The following RET variants were observed in gnomAD, a reference collection of about 807,000 sequenced individuals.
The protein encoded by RET is ret proto-oncogene, also known as proto-oncogene tyrosine-protein kinase receptor Ret.
In RET, 19 loss-of-function variants were observed where a neutral mutation model predicts 118.3. The ratio of observed to expected loss-of-function variants is 0.16; its 90% confidence interval spans 0.11 to 0.24. RET has a LOEUF of 0.24. Among genes scored for constraint, RET ranks in the 10% least tolerant of loss-of-function variants. RET has a pLI of 1.00. For synonymous variants in RET, 597 were observed against 644.1 expected (o/e 0.93, Z 1.11); for missense variants, 1,219 against 1,502.1 (o/e 0.81, Z 3.12).
intron 1 of RET, among the ~76,000 whole-genome samples, chr10:43,079,449 T>C (rs997739582): frequency 1.3e-5 from 2 of 152,194 alleles, no homozygotes; most frequent in African/African-American, 4.8e-5. Flanking sequence ...AAAAGTTACA[T>C]TCATTTAAAA....
chr10:43,094,296 C>G (rs1437240578), intron 1 of RET, among the ~76,000 whole-genome samples: 1 of 152,082 alleles, frequency 6.6e-6, no homozygotes, highest in African/African-American at 2.4e-5. Context: ...TAAGGAGATT[C>G]TGCTGGGCCA....
chr10:43,122,448 G>A (rs1334061613), intron 16 of RET, among the ~76,000 whole-genome samples: 1 of 152,212 alleles, frequency 6.6e-6, no homozygotes, highest in Admixed American at 6.5e-5. Context: ...ACCTGAAGAT[G>A]GCCTTGTGTG....
chr10:43,087,377 G>A (rs1022862300), intron 1 of RET, among the ~76,000 whole-genome samples: 3 of 152,218 alleles, frequency 2.0e-5, no homozygotes, highest in African/African-American at 7.2e-5. Flanking sequence ...TACTGAGGCC[G>A]CACTGCCATG....
intron 12 of RET, among the ~76,000 whole-genome samples, chr10:43,117,495 C>T (rs1013748247): frequency 6.6e-6 from 1 of 152,264 alleles, no homozygotes; most frequent in African/African-American, 2.4e-5. Context: ...TCCCAACTGT[C>T]CTCTCCCTTC....
chr10:43,108,198 A>G (rs1224062416), intron 5 of RET, among the ~76,000 whole-genome samples: 1 of 151,316 alleles, frequency 6.6e-6, no homozygotes, highest in East Asian at 1.9e-4. Flanking sequence ...AAAAAAAAAT[A>G]CAAAAAATTA....
rs1442745002 is a variant in RET, at chr10:43,124,989, GC to G, written c.3039+9del. On this transcript the variant is annotated splice_region_variant and intron_variant, in intron 18 of 19. Transcript: ENST00000355710. ...GATGATGGTTAAGAGGAGAGTGAGT[GC>G]CTGGGTCCAATTCCCACAAGCTGAA... The G allele has an allele frequency of 1.2e-6, 2 of 1,613,638 alleles. No homozygotes were observed. Among genetic ancestry groups the G allele is most frequent in the African/African-American group, 2.7e-5 (2 of 74,912 alleles).
At chr10:43,126,044 C>T (rs115137232) in intron 18 of RET, among the ~76,000 whole-genome samples, 406 of 152,290 alleles carry the variant, frequency 2.7e-3, no homozygotes, top group African/African-American at 9.1e-3. Context: ...GGGTCCTGTG[C>T]ACCCTGACAG....
chr10:43,119,185 C>T (rs1313314835), intron 13 of RET, among the ~76,000 whole-genome samples: 1 of 152,196 alleles, frequency 6.6e-6, no homozygotes, highest in Non-Finnish European at 1.5e-5. Context: ...CCTCCATCAG[C>T]ATCCCCAGCC....
intron 3 of RET, among the ~76,000 whole-genome samples, chr10:43,103,094 C>T (rs1037500179): frequency 9.9e-5 from 15 of 152,284 alleles, no homozygotes; most frequent in African/African-American, 1.7e-4. Flanking sequence ...GTGTGACCCT[C>T]GTGTGCCTGG....
chr10:43,123,878 C>G, intron 17 of RET, 70 bp downstream of exon 17: 1 of 1,606,140 alleles, frequency 6.2e-7, no homozygotes, highest in Non-Finnish European at 8.5e-7. Flanking sequence ...ATTCCCTCCC[C>G]ATCCAGAGCA....
In RET at chr10:43,104,657, T is replaced by C. The variant is rs1212634980; in HGVS notation, c.626-295T>C. On this transcript the variant is annotated intron_variant, in intron 3 of 19. Coordinates refer to ENST00000355710, the MANE Select transcript of RET (RefSeq NM_020975.6). ...GGCGGAGGGGTGTCCCAGTCCCTAC[T>C]GGTTGATCAGGGTGCCTGGTCCTGG... 8 of 552,722 alleles carry C rather than the reference T, an allele frequency of 1.4e-5. No individual in the cohort carries two copies. The East Asian group carries it at 2.5e-4, about 17-fold the overall frequency. 34.2% of individuals were successfully genotyped at this position (552,722 alleles called of 1,614,324 possible).
chr10:43,108,998 GCTTGGTGGT>G (rs1837847963), intron 5 of RET, 24 bp from the exon 6 acceptor site: 1 of 1,604,186 alleles, frequency 6.2e-7, no homozygotes, highest in Admixed American at 1.7e-5. Context: ...AGCCAGAGCA[GCTTGGTGGT>G]CATTGTTGTG....
chr10:43,129,638 C>A lies in RET; in HGVS notation c.*1369C>A, dbSNP rs912066028. 7.5e-6 allele frequency: 2 copies of A among 265,296 alleles called. No homozygotes were observed. The highest frequency in any genetic ancestry group is 4.3e-5 in the African/African-American group (2 of 46,430). The allele number at this position is 265,296 out of a possible 1,614,324, so 16.4% of individuals were successfully genotyped here. On this transcript the variant is annotated 3_prime_UTR_variant, in exon 20 of 20. Transcript: ENST00000355710. ...AGTCGGATTACCAAAACACTGCCTG[C>A]TCTTCAGACTTAAAGCACTGATAGG...
In RET at chr10:43,106,519, G is replaced by A; in HGVS notation, c.1011G>A (p.Glu337=). 1 of 1,613,818 alleles carries A rather than the reference G, an allele frequency of 6.2e-7. No individual in the cohort carries two copies. The highest frequency in any genetic ancestry group is 2.2e-5 in the East Asian group (1 of 44,880). Residue 337 remains glutamate, a synonymous_variant, in exon 5 of 20, where the codon GAG becomes GAA. Coordinates refer to ENST00000355710, the MANE Select transcript of RET (RefSeq NM_020975.6). The surrounding 1 kb of genome is among the most constrained non-coding windows in gnomAD (Gnocchi z 5.1). ...TCCGGGTGGAACACTGGCCCAACGA[G>A]ACCTCGGTCCAGGCCAACGGCAGCT... ...QTFRVEHWPN[E]TSVQANGSFV... is the part of the protein sequence containing the mutation.
intron 3 of RET, 54 bp downstream of exon 3, chr10:43,102,683 C>T: frequency 6.2e-7 from 1 of 1,604,998 alleles, no homozygotes; most frequent in South Asian, 1.1e-5. Flanking sequence ...GCTGGTCTTG[C>T]TCTGCGAGCC....
intron 1 of RET, among the ~76,000 whole-genome samples, chr10:43,090,037 C>T (rs773089931): frequency 6.6e-6 from 1 of 152,160 alleles, no homozygotes; most frequent in East Asian, 1.9e-4. Context: ...CACCAGGGCC[C>T]GGAGTGAGGG....
intron 3 of RET, chr10:43,102,907 C>T: frequency 1.9e-6 from 1 of 539,388 alleles, no homozygotes; most frequent in Non-Finnish European, 3.3e-6. Context: ...AATCAGGTGG[C>T]TTCTGGAAGG....
intron 7 of RET, 133 bp from the exon 8 acceptor site, chr10:43,111,966 T>A: frequency 7.7e-6 from 10 of 1,294,888 alleles, no homozygotes; most frequent in Non-Finnish European, 1.1e-5. Flanking sequence ...TTTGCTGCCC[T>A]GGGTCTGTCA....
Position 43,128,118 on chromosome 10 carries a change from C to T in RET, c.3194C>T (p.Ser1065Leu). ...TWIENKLYGM[S>L]DPNWPGESPV... ...GATCTGTTTTCATTTTTAGGCATGT[C>T]AGACCCGAACTGGCCTGGAGAGAGT... is the stretch of plus-strand genomic sequence containing the variant. Residue 1065 changes from serine to leucine, a missense_variant, in exon 20 of 20, where the codon TCA becomes TTA. Ser to Leu is a moderately radical substitution (Grantham distance 145). This residue lies in a region of RET where 174 missense variants were observed against 179.3 expected (regional missense o/e 0.97). Coordinates refer to ENST00000355710, the MANE Select transcript of RET (RefSeq NM_020975.6). The T allele has an allele frequency of 6.2e-7, 1 of 1,614,130 alleles. No homozygotes were observed. The highest frequency in any genetic ancestry group is 8.5e-7 in the Non-Finnish European group (1 of 1,180,024).
Sources: allele counts gnomAD v4.1 joint callset (sites outside exome capture counted in the v4.1 genomes callset), GRCh38; gene constraint gnomAD v4.1.1; regional missense constraint gnomAD v4.1.1; non-coding constraint Gnocchi (gnomAD v3.1); transcripts MANE v1.5; gene names NCBI Gene and HGNC (gene_info 2026-07-23, HGNC 2026-07-21).